The following DPH6 variants were observed in gnomAD, a reference collection of about 807,000 sequenced individuals.
DPH6 encodes diphthine--ammonia ligase.
DPH6 carries 33 observed loss-of-function variants against 38.2 expected under a neutral mutation model. The ratio of observed to expected loss-of-function variants is 0.86; its 90% CI spans 0.65 to 1.15. The LOEUF is 1.15. Ranked by LOEUF, DPH6 falls within the 50% of genes most tolerant of loss-of-function variation. DPH6 has a pLI of 0.00. For missense variants in DPH6, 325 were observed against 320.0 expected (o/e 1.02, Z -0.12); for synonymous variants, 108 against 103.0 (o/e 1.05, Z -0.30).
At position 35,454,811 on chromosome 15, in the gene DPH6, C is replaced by T. The variant is rs1011898386; in HGVS notation, c.322G>A (p.Glu108Lys). The change falls in exon 4 of 9, where the codon GAA (glutamate) becomes AAA (lysine). Residue 108 changes from glutamate to lysine, a missense_variant. Transcript: ENST00000256538. ...GCACCTACTGATATCCCCTCTACTTCTTCTTTTTCCTGAAAATAAAGAAAA... is the reference window on the plus strand; with the variant it reads ...GCACCTACTGATATCCCCTCTACTTTTTCTTTTTCCTGAAAATAAAGAAAA... ...ELLKLVKEKE[E>K]VEGISVGAIL... 3 of 1,596,434 alleles carry T rather than the reference C, an allele frequency of 1.9e-6. No individual in the cohort carries two copies. Among genetic ancestry groups the T allele is most frequent in the Middle Eastern group, 1.7e-4 (1 of 6,034 alleles).
intron 6 of DPH6, among the ~76,000 whole-genome samples, chr15:35,386,005 C>G (rs2052949465): frequency 6.6e-6 from 1 of 152,018 alleles, no homozygotes; most frequent in Non-Finnish European, 1.5e-5. Flanking sequence ...GCTACCCCCA[C>G]CCCACAACAG....
chr15:35,470,013 C>T (rs1404566448), intron 3 of DPH6, among the ~76,000 whole-genome samples: 2 of 152,134 alleles, frequency 1.3e-5, no homozygotes, highest in Non-Finnish European at 2.9e-5. Context: ...GCCTGGCCAA[C>T]ATGGCGAAAC....
Position 35,261,414 on chromosome 15 carries a change from A to G in DPH6, n.201-40832T>C, listed in dbSNP as rs369632558. Among the ~76,000 whole-genome samples, 12 of 152,274 alleles carry G rather than the reference A, an allele frequency of 7.9e-5. No homozygotes were observed. In the East Asian group the frequency reaches 1.7e-3, roughly 22 times the overall value. ...ATCTTTTTTCTGTGTTTTTTAGTTCAGGTTGAATTTAACTCTTGACTTCTC... is the reference window on the plus strand; with the variant it reads ...ATCTTTTTTCTGTGTTTTTTAGTTCGGGTTGAATTTAACTCTTGACTTCTC... On this transcript the variant is annotated intron_variant and non_coding_transcript_variant, in intron 3 of 3. Coordinates refer to the DPH6 transcript ENST00000560386.
At chr15:35,460,599 A>G (rs2054053062) in intron 3 of DPH6, among the ~76,000 whole-genome samples, 1 of 152,200 alleles carries the variant, frequency 6.6e-6, no homozygotes, top group Non-Finnish European at 1.5e-5. Flanking sequence ...TAATGTCATT[A>G]AACATTTATA....
At chr15:35,238,267 C>CA (rs34671914) in intron 3 of DPH6, 28,273 of 231,638 alleles carry the variant, frequency 0.12, 1,083 homozygotes, top group East Asian at 0.33. Flanking sequence ...TTTTTACTGC[C>CA]AAAAAAAAAA....
rs140865047 is a variant in DPH6, at chr15:35,385,864, A to G, written c.568-3948T>C. ...GTTTCACATTTTTTTTTATTATTAT[A>G]CTTTAAGTTTTAGGGTACATGTGCA... On this transcript the variant is annotated intron_variant, in intron 6 of 8. Transcript: ENST00000256538. 3.8e-3 allele frequency among the ~76,000 whole-genome samples: 584 copies of G among 152,128 alleles called. 5 individuals carry two copies. The highest frequency in any genetic ancestry group is 6.9e-3 in the Non-Finnish European group (472 of 67,990).
chr15:35,413,051 G>C lies in DPH6; in HGVS notation c.506-2155C>G, dbSNP rs182149024. Among the ~76,000 whole-genome samples, 550 of 151,716 alleles carry C rather than the reference G, an allele frequency of 3.6e-3. 12 individuals are homozygous for C. Among genetic ancestry groups the C allele is most frequent in the Admixed American group, 0.033 (494 of 15,172 alleles). The stretch of plus-strand genomic sequence containing the variant: ...CAAATGTACAACTCTAGCAGGGGAG[G>C]TTGATAATGGGGGAGGTCATGCGGT... On this transcript the variant is annotated intron_variant, in intron 5 of 8. Transcript: ENST00000256538.
chr15:35,298,132 C>A, intron 3 of DPH6: 1 of 343,926 alleles, frequency 2.9e-6, no homozygotes, highest in Non-Finnish European at 5.6e-6. Context: ...CTTACAAGTC[C>A]CTCCAAGAGT....
At chr15:35,195,579 T>G in the DPH6 span, among the ~76,000 whole-genome samples, 1 of 152,136 alleles carries the variant, frequency 6.6e-6, no homozygotes, top group Non-Finnish European at 1.5e-5. Context: ...AGTCTATAGA[T>G]CCAGCTTCTT....
At chr15:35,511,783 A>C (rs1354779733) in intron 3 of DPH6, among the ~76,000 whole-genome samples, 2 of 152,194 alleles carry the variant, frequency 1.3e-5, no homozygotes, top group African/African-American at 4.8e-5. Context: ...AATTAGGTCT[A>C]AGAAACTAAA....
At chr15:35,417,100 T>C (rs558842376) in intron 5 of DPH6, among the ~76,000 whole-genome samples, 42 of 152,198 alleles carry the variant, frequency 2.8e-4, no homozygotes, top group South Asian at 6.2e-4. Flanking sequence ...AGTAATTGTT[T>C]TTATAAGTAT....
At chr15:35,231,819 A>C (rs1419886748) in intron 3 of DPH6, among the ~76,000 whole-genome samples, 1 of 152,092 alleles carries the variant, frequency 6.6e-6, no homozygotes. Context: ...TGAGAGAGGG[A>C]GCAAGAGTGA....
At chr15:35,365,922 A>G, downstream of DPH6, 1 of 985,234 alleles carries the variant, frequency 1.0e-6, no homozygotes, top group Non-Finnish European at 1.2e-6. Context: ...TAGGTTTTAG[A>G]CTGGTAAATA....
the DPH6 span, among the ~76,000 whole-genome samples, chr15:35,187,290 A>ACC: frequency 5.8e-4 from 89 of 152,366 alleles, no homozygotes; most frequent in Non-Finnish European, 1.1e-3. Context: ...ACTGATACAT[A>ACC]AACCTAGTCT....
intron 4 of DPH6, among the ~76,000 whole-genome samples, chr15:35,451,925 G>A (rs906341233): frequency 5.9e-5 from 9 of 152,172 alleles, no homozygotes; most frequent in Admixed American, 2.6e-4. Flanking sequence ...CAGGAGAATG[G>A]CGTGAACCTG....
the DPH6 span, among the ~76,000 whole-genome samples, chr15:35,180,302 T>G: frequency 7.0e-3 from 1,058 of 152,186 alleles, 5 homozygotes; most frequent in Non-Finnish European, 0.012. Flanking sequence ...TATCCTCACA[T>G]AGTAATTGCA....
chr15:35,438,733 AG>A (rs951881299), intron 5 of DPH6, among the ~76,000 whole-genome samples: 1 of 152,246 alleles, frequency 6.6e-6, no homozygotes, highest in African/African-American at 2.4e-5. Context: ...TATCTTTTAA[AG>A]GGAAGATAAA....
chr15:35,412,108 G>T (rs1043092190), intron 5 of DPH6, among the ~76,000 whole-genome samples: 10 of 151,582 alleles, frequency 6.6e-5, no homozygotes, highest in Non-Finnish European at 1.3e-4. Flanking sequence ...AAGAACATCT[G>T]ATAAAGGACT....
intron 3 of DPH6, among the ~76,000 whole-genome samples, chr15:35,352,579 C>A (rs550092549): frequency 1.3e-5 from 2 of 152,256 alleles, no homozygotes; most frequent in Admixed American, 1.3e-4. Flanking sequence ...TGGTTTCCAG[C>A]TTCATCCGTG....
Sources: allele counts gnomAD v4.1 joint callset (sites outside exome capture counted in the v4.1 genomes callset), GRCh38; gene constraint gnomAD v4.1.1; transcripts MANE v1.5; gene names NCBI Gene and HGNC (gene_info 2026-07-23, HGNC 2026-07-21).